NFASC: variants seen among roughly 807,000 people sequenced by gnomAD.
NFASC encodes the protein neurofascin homolog.
NFASC carries 43 observed loss-of-function variants against 147.5 expected under a neutral mutation model. The ratio of observed to expected loss-of-function variants is 0.29; its 90% CI spans 0.23 to 0.38. NFASC has a LOEUF of 0.38. Ranked by LOEUF, NFASC falls within the 10% of genes least tolerant of loss-of-function variation. NFASC has a pLI of 1.00. For missense variants in NFASC, 1,320 were observed against 1,689.0 expected (o/e 0.78, Z 3.83); for synonymous variants, 622 against 665.5 (o/e 0.93, Z 1.01).
intron 1 of NFASC, among the ~76,000 whole-genome samples, chr1:204,852,788 A>G (rs1158924745): frequency 6.6e-6 from 1 of 152,218 alleles, no homozygotes; most frequent in African/African-American, 2.4e-5. Context: ...CTGCTGTGGC[A>G]CCATGGAGCT....
At chr1:204,849,228 G>A (rs1205911348) in intron 1 of NFASC, among the ~76,000 whole-genome samples, 1 of 152,196 alleles carries the variant, frequency 6.6e-6, no homozygotes, top group Non-Finnish European at 1.5e-5. Flanking sequence ...GCTTCTGCTG[G>A]GGCCTTGAGT....
chr1:204,993,414 G>C (rs920042282), intron 24 of NFASC, among the ~76,000 whole-genome samples: 1 of 152,200 alleles, frequency 6.6e-6, no homozygotes, highest in African/African-American at 2.4e-5. Flanking sequence ...CTCTTGATAG[G>C]TGCCCTGTTC....
chr1:205,006,992 A>G (rs2096128077), intron 27 of NFASC, among the ~76,000 whole-genome samples: 1 of 152,108 alleles, frequency 6.6e-6, no homozygotes, highest in African/African-American at 2.4e-5. Context: ...AGGCCCACTC[A>G]GTGGTAACAG....
chr1:204,875,349 G>A (rs781668768), intron 1 of NFASC, among the ~76,000 whole-genome samples: 31 of 152,030 alleles, frequency 2.0e-4, no homozygotes, highest in Non-Finnish European at 3.5e-4. Context: ...GTTTTCCACT[G>A]GTCTAACCTC....
At chr1:204,906,455 T>C (rs1242198890) in intron 1 of NFASC, among the ~76,000 whole-genome samples, 1 of 152,210 alleles carries the variant, frequency 6.6e-6, no homozygotes, top group African/African-American at 2.4e-5. Flanking sequence ...ATAAATGAGA[T>C]CCTACAGTAT....
intron 12 of NFASC, 39 bp downstream of exon 12, chr1:204,973,458 C>T (rs1373787931): frequency 4.3e-6 from 7 of 1,609,652 alleles, no homozygotes; most frequent in Admixed American, 1.7e-5. Flanking sequence ...CCCTCCTCTC[C>T]ACTACTGCAC....
chr1:205,007,837 G>A (rs2096157482), intron 27 of NFASC, among the ~76,000 whole-genome samples: 1 of 152,200 alleles, frequency 6.6e-6, no homozygotes, highest in African/African-American at 2.4e-5. Context: ...ATAAGGAATG[G>A]AGAGTTTTCT....
rs562813550 is a variant in NFASC, at chr1:205,009,259, A to T, written c.3290-298A>T. On this transcript the variant is annotated intron_variant, in intron 27 of 29. Transcript: ENST00000339876. ...GTGACCAGCCCTCTGGTTTCCAAGA[A>T]TGCCGTGCTTCATCCCTATGACACT... is the stretch of plus-strand genomic sequence containing the variant. The T allele has an allele frequency of 8.4e-6, 4 of 474,964 alleles. No homozygotes were observed. The East Asian group carries it at 1.8e-4, about 22-fold the overall frequency. The allele number at this position is 474,964 out of a possible 1,614,324, so 29.4% of individuals were successfully genotyped here. A position where few individuals can be genotyped will look rare whatever the true frequency, so the allele number is the denominator to read the frequency against.
chr1:204,847,065 G>A (rs2075240931), intron 1 of NFASC, among the ~76,000 whole-genome samples: 1 of 151,912 alleles, frequency 6.6e-6, no homozygotes, highest in Admixed American at 6.6e-5. Flanking sequence ...CCTGGTTTTG[G>A]GTTGAGAGAA....
At chr1:204,995,804 GCT>G (rs1460533187) in intron 24 of NFASC, among the ~76,000 whole-genome samples, 3 of 152,100 alleles carry the variant, frequency 2.0e-5, no homozygotes, top group Non-Finnish European at 4.4e-5. Context: ...CTTAAAAAAA[GCT>G]CTCTGGCAAT....
At chr1:204,856,087 T>A (rs1041736728) in intron 1 of NFASC, among the ~76,000 whole-genome samples, 4 of 152,042 alleles carry the variant, frequency 2.6e-5, no homozygotes, top group African/African-American at 9.7e-5. Flanking sequence ...CTAGGGCCTT[T>A]TGACTCATAA....
At position 205,016,392 on chromosome 1, in the gene NFASC, G is replaced by T. The variant is rs763164118; in HGVS notation, c.3576G>T (p.Val1192=). 2.5e-6 allele frequency: 4 copies of T among 1,614,070 alleles called. No homozygotes were observed. In the Admixed American group the frequency reaches 6.7e-5, roughly 27 times the overall value. The change falls in exon 30 of 30, where the codon GTG becomes GTT. Residue 1192 remains valine (V), a synonymous_variant. Coordinates refer to ENST00000339876, the MANE Select transcript of NFASC (RefSeq NM_001005388.3). This position sits in a 1 kb window ranked among gnomAD's most constrained non-coding sequence, Gnocchi z 5.1. ...IKQQESDDSL[V]DYGEGGEGQF... is the part of the protein sequence containing the mutation. ...AGCAGGAGAGTGACGACAGCCTGGT[G>T]GACTATGGCGAGGGTGGCGAGGGTC...
chr1:204,837,159 T>C (rs1047680627), intron 1 of NFASC, among the ~76,000 whole-genome samples: 2 of 152,246 alleles, frequency 1.3e-5, no homozygotes, highest in Admixed American at 1.3e-4. Context: ...TAATTAAGTT[T>C]CTAAAGCATG....
rs1376006697 is a variant in NFASC at position 205,015,550 on chromosome 1, C to A, written c.3492-758C>A. Among the ~76,000 whole-genome samples the A allele has an allele frequency of 6.6e-6, 1 of 152,126 alleles. No homozygotes were observed. The highest frequency in any genetic ancestry group is 1.5e-5 in the Non-Finnish European group (1 of 68,036). On this transcript the variant is annotated intron_variant, in intron 29 of 29. Coordinates refer to ENST00000339876, the MANE Select transcript of NFASC (RefSeq NM_001005388.3). This position sits in a 1 kb window ranked among gnomAD's most constrained non-coding sequence, Gnocchi z 4.0. ...AGCTTTACTCGGCAGCCTCCCAGCT[C>A]TCCCTGCACAAGGGGAGCTTAGGGT...
At chr1:204,932,515 AT>A (rs962719124) in intron 2 of NFASC, among the ~76,000 whole-genome samples, 6 of 152,126 alleles carry the variant, frequency 3.9e-5, no homozygotes, top group African/African-American at 1.4e-4. Context: ...TGCAAAAGGC[AT>A]TTAAAAAAAA....
chr1:204,868,088 C>T (rs936283258), intron 1 of NFASC, among the ~76,000 whole-genome samples: 4 of 152,244 alleles, frequency 2.6e-5, no homozygotes, highest in Non-Finnish European at 5.9e-5. Context: ...GTTCACTTTC[C>T]ACGCTGGGAA....
In NFASC at chr1:205,002,576, T is replaced by C. The variant is rs77931415; in HGVS notation, c.3137-20T>C. The stretch of plus-strand genomic sequence containing the variant: ...CTCCTGGTGCCTGGCTCTAGGCTGA[T>C]TGAGGTTTCTGTTCCCCAGGCAACC... On this transcript the variant is annotated intron_variant, in intron 26 of 29. Coordinates refer to ENST00000339876, the MANE Select transcript of NFASC (RefSeq NM_001005388.3). 3.7e-3 allele frequency: 5,382 copies of C among 1,462,232 alleles called. 112 individuals carry two copies. In the African/African-American group the frequency reaches 0.049, roughly 13 times the overall value. The allele number at this position is 1,462,232 out of a possible 1,614,324, so 90.6% of individuals were successfully genotyped here.
intron 2 of NFASC, among the ~76,000 whole-genome samples, chr1:204,931,018 G>A (rs913064395): frequency 1.3e-5 from 2 of 152,106 alleles, no homozygotes; most frequent in Non-Finnish European, 1.5e-5. Context: ...TGTCCTGGAT[G>A]ACAAATGTAA....
chr1:204,952,422 A>T (rs576351938), intron 5 of NFASC, among the ~76,000 whole-genome samples: 1 of 151,972 alleles, frequency 6.6e-6, no homozygotes, highest in South Asian at 2.1e-4. Flanking sequence ...CGTTTAGCTT[A>T]TAGGAAGTTC....
Sources: gnomAD v4.1 joint callset for allele counts (sites outside exome capture counted in the v4.1 genomes callset) on GRCh38, gnomAD v4.1.1 for gene constraint, Gnocchi (gnomAD v3.1) non-coding constraint, MANE v1.5 for transcripts, NCBI Gene and HGNC (gene_info 2026-07-23, HGNC 2026-07-21) for gene names.